Variants in FLT1 observed in about 807,000 individuals in gnomAD.
FLT1 encodes the protein fms related receptor tyrosine kinase 1.
Under a neutral mutation model 156.3 loss-of-function variants are expected in FLT1, and 49 were observed. That is an observed-to-expected ratio of 0.31 (90% CI 0.25 to 0.40). FLT1 has a LOEUF of 0.40. FLT1 is among the 10% of genes least tolerant of loss of function. The pLI is 1.00. For synonymous variants in FLT1, 594 were observed against 583.8 expected, an observed-to-expected ratio of 1.02 and a Z score of -0.25; for missense variants, 1,322 against 1,637.2, an observed-to-expected ratio of 0.81 and a Z score of 3.32.
chr13:28,326,805 G>C lies in FLT1; in HGVS notation c.2796+657C>G, dbSNP rs536835942. ...CCCCCAAAGTTCTGGGATTACAGGC[G>C]TAAGCCACCGTGCCTGGCCCAATAA... is the stretch of plus-strand genomic sequence containing the variant. On this transcript the variant is annotated intron_variant, in intron 20 of 29. Transcript: ENST00000282397. Among the ~76,000 whole-genome samples the C allele has an allele frequency of 3.3e-5, 5 of 152,288 alleles. 1 individual carries two copies. The South Asian group carries it at 1.0e-3, about 32-fold the overall frequency.
At position 28,340,306 on chromosome 13, in the gene FLT1, T is replaced by G. The variant is rs75531185; in HGVS notation, c.2356-1006A>C. 1.3e-3 allele frequency among the ~76,000 whole-genome samples: 199 copies of G among 152,324 alleles called. 1 individual carries two copies. Among genetic ancestry groups the G allele is most frequent in the African/African-American group, 4.6e-3 (193 of 41,556 alleles). ...CCACATTCTGACTTCATTTGTCCATTGGTAGGATGTCAAGTGAGTAAGGCA... is the reference window on the plus strand; with the variant it reads ...CCACATTCTGACTTCATTTGTCCATGGGTAGGATGTCAAGTGAGTAAGGCA... On this transcript the variant is annotated intron_variant, in intron 16 of 29. Coordinates refer to ENST00000282397, the MANE Select transcript of FLT1 (RefSeq NM_002019.4).
intron 17 of FLT1, among the ~76,000 whole-genome samples, chr13:28,337,506 C>G (rs1388707362): frequency 1.3e-5 from 2 of 152,214 alleles, no homozygotes; most frequent in African/African-American, 4.8e-5. Context: ...GTTAATCAAT[C>G]AGAGGAGTGT....
At chr13:28,303,875 G>GTGCC (rs1180843264) in intron 29 of FLT1, among the ~76,000 whole-genome samples, 2 of 152,166 alleles carry the variant, frequency 1.3e-5, no homozygotes, top group Non-Finnish European at 2.9e-5. Context: ...ACACAAGTGA[G>GTGCC]TGCCTCTCTG....
At chr13:28,366,932 T>C (rs1391178940) in intron 14 of FLT1, among the ~76,000 whole-genome samples, 1 of 152,212 alleles carries the variant, frequency 6.6e-6, no homozygotes, top group Non-Finnish European at 1.5e-5. Context: ...AACTTATTCA[T>C]TCTTGAGTCC....
chr13:28,371,448 G>A (rs918459209), intron 14 of FLT1, among the ~76,000 whole-genome samples: 1 of 151,984 alleles, frequency 6.6e-6, no homozygotes, highest in Non-Finnish European at 1.5e-5. Context: ...CCTTTGTCCC[G>A]CACGCATCTC....
chr13:28,425,551 G>A (rs942502712), intron 10 of FLT1, among the ~76,000 whole-genome samples: 9 of 151,954 alleles, frequency 5.9e-5, no homozygotes, highest in African/African-American at 1.7e-4. Context: ...TAAATATTAT[G>A]TTCTATCACC....
rs1417283251 is a variant in FLT1 at position 28,302,819 on chromosome 13, C to T, written c.*348G>A. 2.5e-5 allele frequency: 8 copies of T among 324,052 alleles called. No individual in the cohort carries two copies. The highest frequency in any genetic ancestry group is 1.4e-4 in the Admixed American group (3 of 21,946). 20.1% of individuals were successfully genotyped at this position (324,052 alleles called of 1,614,324 possible). On this transcript the variant is annotated 3_prime_UTR_variant, in exon 30 of 30. Coordinates refer to ENST00000282397, the MANE Select transcript of FLT1 (RefSeq NM_002019.4). ...GCTGCAGGGCTGGCCCAGTGGGGTA[C>T]GTGATGCATTGGGTGATCAGTGCAG...
intron 1 of FLT1, among the ~76,000 whole-genome samples, chr13:28,485,863 C>T (rs1295190200): frequency 6.6e-6 from 1 of 152,190 alleles, no homozygotes; most frequent in Admixed American, 6.5e-5. Context: ...AAGAGGGAGG[C>T]CCAGCACCAA....
At position 28,301,411 on chromosome 13, in the gene FLT1, G is replaced by A. The variant is rs572569248; in HGVS notation, c.*1756C>T. ...GGCTAGTGAGTCTTCCACAAAAGCC[G>A]CTGCCAGGAGCCAGTAGGCTCACTA... On this transcript the variant is annotated 3_prime_UTR_variant, in exon 30 of 30. Coordinates refer to ENST00000282397, the MANE Select transcript of FLT1 (RefSeq NM_002019.4). The A allele has an allele frequency of 3.0e-5, 7 of 232,894 alleles. No individual in the cohort carries two copies. The highest frequency in any genetic ancestry group is 1.1e-4 in the African/African-American group (5 of 45,300). The allele number at this position is 232,894 out of a possible 1,614,324, so 14.4% of individuals were successfully genotyped here.
At chr13:28,387,209 C>T (rs1018016896) in intron 13 of FLT1, 1 of 1,038,440 alleles carries the variant, frequency 9.6e-7, no homozygotes, top group Non-Finnish European at 1.2e-6. Flanking sequence ...ATACAAGGTT[C>T]ACATAAACAC....
At position 28,300,729 on chromosome 13, in the gene FLT1, A is replaced by G. The variant is rs1870481001; in HGVS notation, c.*2438T>C. 4.3e-6 allele frequency: 1 copy of G among 233,220 alleles called. No individual in the cohort carries two copies. Among genetic ancestry groups the G allele is most frequent in the Middle Eastern group, 1.3e-3 (1 of 786 alleles). 14.4% of individuals were successfully genotyped at this position (233,220 alleles called of 1,614,324 possible). A position where few individuals can be genotyped will look rare whatever the true frequency, so the allele number is the denominator to read the frequency against. Reference sequence around the variant, plus strand: ...GGACTGACAAGACACAGACTTGCACATGGTTTCAGCCCCATTCCACCCAGA... The same window carrying G: ...GGACTGACAAGACACAGACTTGCACGTGGTTTCAGCCCCATTCCACCCAGA... On this transcript the variant is annotated 3_prime_UTR_variant, in exon 30 of 30. Transcript: ENST00000282397.
chr13:28,396,799 T>C (rs1169113679), intron 12 of FLT1, 161 bp downstream of exon 12: 3 of 702,290 alleles, frequency 4.3e-6, no homozygotes, highest in East Asian at 2.7e-5. Context: ...TCCGATGAGG[T>C]AGAATTCTAT....
intron 25 of FLT1, 108 bp downstream of exon 25, chr13:28,317,390 G>T: frequency 1.3e-6 from 1 of 796,058 alleles, no homozygotes. Context: ...AAGAACCTTG[G>T]CATCTTCCAA....
chr13:28,356,944 C>A (rs796715783), intron 15 of FLT1, among the ~76,000 whole-genome samples: 2 of 152,278 alleles, frequency 1.3e-5, no homozygotes, highest in East Asian at 3.9e-4. Flanking sequence ...TAGGATTAGG[C>A]CTCTTTGTAT....
chr13:28,353,572 CAAAA>C (rs34155046), intron 15 of FLT1, among the ~76,000 whole-genome samples: 1 of 123,480 alleles, frequency 8.1e-6, no homozygotes, highest in African/African-American at 3.3e-5. Context: ...GACTGTGTCT[CAAAA>C]AAAAAAAAAA....
chr13:28,365,559 C>A (rs371344888), intron 14 of FLT1, among the ~76,000 whole-genome samples: 45 of 152,220 alleles, frequency 3.0e-4, no homozygotes, highest in African/African-American at 9.6e-4. Flanking sequence ...ACCATGTTGG[C>A]CAGGCTGGTC....
At chr13:28,356,079 G>A (rs2078597895) in intron 15 of FLT1, among the ~76,000 whole-genome samples, 1 of 152,204 alleles carries the variant, frequency 6.6e-6, no homozygotes, top group Non-Finnish European at 1.5e-5. Context: ...ACAGGGGAAT[G>A]CAGTCATGGG....
At chr13:28,331,518 A>G (rs974674451) in intron 18 of FLT1, among the ~76,000 whole-genome samples, 1 of 151,942 alleles carries the variant, frequency 6.6e-6, no homozygotes, top group African/African-American at 2.4e-5. Flanking sequence ...GCAACCTCCA[A>G]CTCCTGGGTT....
chr13:28,482,658 A>G (rs1331854451), intron 1 of FLT1, among the ~76,000 whole-genome samples: 1 of 152,192 alleles, frequency 6.6e-6, no homozygotes, highest in Non-Finnish European at 1.5e-5. Context: ...TTTGGACTAT[A>G]AAGCGCATTT....
Sources: allele counts gnomAD v4.1 joint callset (sites outside exome capture counted in the v4.1 genomes callset), GRCh38; gene constraint gnomAD v4.1.1; transcripts MANE v1.5; gene names NCBI Gene and HGNC (gene_info 2026-07-23, HGNC 2026-07-21).